The following RBFOX1 variants were observed in gnomAD, a reference collection of about 807,000 sequenced individuals.
RBFOX1 encodes RNA binding fox-1 homolog 1, also known as RNA binding protein fox-1 homolog 1.
Under a neutral mutation model 57.7 loss-of-function variants are expected in RBFOX1, and 8 were observed. The ratio of observed to expected loss-of-function variants is 0.14; its 90% confidence interval spans 0.08 to 0.25. RBFOX1 has a LOEUF of 0.25. Ranked by LOEUF, RBFOX1 falls within the 10% of genes least tolerant of loss-of-function variation. RBFOX1 has a pLI of 1.00. For missense variants in RBFOX1, 611 were observed against 548.5 expected (o/e 1.11, Z -1.14); for synonymous variants, 326 against 222.4 (o/e 1.47, Z -4.15).
At chr16:7,446,682 G>A (rs1383495401) in intron 4 of RBFOX1, among the ~76,000 whole-genome samples, 1 of 151,844 alleles carries the variant, frequency 6.6e-6, no homozygotes, top group Non-Finnish European at 1.5e-5. Flanking sequence ...TCCCTGTTGG[G>A]CAACCCCATA....
intron 1 of RBFOX1, among the ~76,000 whole-genome samples, chr16:6,131,227 A>ATG (rs1170167780): frequency 2.0e-5 from 3 of 152,216 alleles, no homozygotes; most frequent in African/African-American, 7.2e-5. Flanking sequence ...TGTTAGTTAT[A>ATG]TGTGTGTACA....
At chr16:7,269,699 A>G (rs2095269910) in intron 4 of RBFOX1, among the ~76,000 whole-genome samples, 1 of 152,234 alleles carries the variant, frequency 6.6e-6, no homozygotes, top group African/African-American at 2.4e-5. Flanking sequence ...TATTATTAAG[A>G]ATAATGTCAC....
At chr16:7,609,300 T>C (rs1424494793) in intron 10 of RBFOX1, among the ~76,000 whole-genome samples, 1 of 152,214 alleles carries the variant, frequency 6.6e-6, no homozygotes, top group Admixed American at 6.5e-5. Context: ...TACATTTTTC[T>C]GGTCCTGTGC....
chr16:5,703,702 A>G (rs2151487671), intron 3 of RBFOX1, among the ~76,000 whole-genome samples: 1 of 152,178 alleles, frequency 6.6e-6, no homozygotes, highest in African/African-American at 2.4e-5. Flanking sequence ...AATGGGGATA[A>G]TGTCTTTATT....
intron 4 of RBFOX1, among the ~76,000 whole-genome samples, chr16:5,948,589 A>C (rs555184457): frequency 6.6e-6 from 1 of 152,328 alleles, no homozygotes; most frequent in Admixed American, 6.5e-5. Context: ...GGAGACCTAC[A>C]GGGAAGGCCG....
chr16:7,470,553 G>T (rs1297164179), intron 4 of RBFOX1, among the ~76,000 whole-genome samples: 1 of 151,748 alleles, frequency 6.6e-6, no homozygotes, highest in Non-Finnish European at 1.5e-5. Context: ...GGATGGGTGA[G>T]TGGTAGGCAG....
intron 3 of RBFOX1, among the ~76,000 whole-genome samples, chr16:6,731,817 A>G (rs1310403390): frequency 6.6e-6 from 1 of 152,122 alleles, no homozygotes; most frequent in Non-Finnish European, 1.5e-5. Flanking sequence ...CCTACCTTCC[A>G]AAATGAACAA....
intron 2 of RBFOX1, among the ~76,000 whole-genome samples, chr16:5,539,842 G>A (rs1597449751): frequency 1.3e-5 from 2 of 152,222 alleles, no homozygotes; most frequent in Admixed American, 1.3e-4. Flanking sequence ...AGAGTGACAT[G>A]GAATCTTTAA....
intron 2 of RBFOX1, among the ~76,000 whole-genome samples, chr16:6,508,479 GA>G: frequency 6.6e-6 from 1 of 152,176 alleles, no homozygotes; most frequent in Middle Eastern, 3.4e-3. Flanking sequence ...AAACCAAAAA[GA>G]AAACATAATT....
At chr16:5,686,519 G>T (rs980069889) in intron 3 of RBFOX1, among the ~76,000 whole-genome samples, 1 of 152,062 alleles carries the variant, frequency 6.6e-6, no homozygotes, top group Non-Finnish European at 1.5e-5. Context: ...TGTCTATTCA[G>T]GTGGCCACTG....
intron 4 of RBFOX1, among the ~76,000 whole-genome samples, chr16:7,235,173 T>C (rs977333135): frequency 2.6e-5 from 4 of 152,250 alleles, no homozygotes; most frequent in African/African-American, 9.6e-5. Context: ...TGGCATCATA[T>C]ATTTTTAAAG....
chr16:7,341,576 G>T (rs1489144018), intron 4 of RBFOX1, among the ~76,000 whole-genome samples: 1 of 152,080 alleles, frequency 6.6e-6, no homozygotes, highest in East Asian at 1.9e-4. Flanking sequence ...CGTCTTCATT[G>T]CTGTCAGTGG....
chr16:6,004,401 T>C (rs1377024845), intron 4 of RBFOX1, among the ~76,000 whole-genome samples: 1 of 152,168 alleles, frequency 6.6e-6, no homozygotes, highest in African/African-American at 2.4e-5. Flanking sequence ...ATAGTTAATA[T>C]TTGTAAAGAT....
chr16:6,488,891 T>C (rs1266480064), intron 2 of RBFOX1, among the ~76,000 whole-genome samples: 6 of 152,194 alleles, frequency 3.9e-5, no homozygotes, highest in Non-Finnish European at 1.5e-5. Context: ...GATAGTCTAA[T>C]ATAAACATGG....
intron 3 of RBFOX1, among the ~76,000 whole-genome samples, chr16:6,893,204 A>C (rs763883450): frequency 1.6e-4 from 25 of 152,116 alleles, no homozygotes; most frequent in Non-Finnish European, 4.4e-5. Context: ...GGAAATGGAC[A>C]AGCTCACAGG....
At chr16:6,167,950 A>G (rs1012889563) in intron 1 of RBFOX1, among the ~76,000 whole-genome samples, 4 of 152,216 alleles carry the variant, frequency 2.6e-5, no homozygotes, top group African/African-American at 9.7e-5. Context: ...GGTCATTTAT[A>G]AACTCCACCC....
In RBFOX1 at chr16:6,996,956, A is replaced by G. The variant is rs544292535; in HGVS notation, c.-15-55101A>G. On this transcript the variant is annotated intron_variant, in intron 3 of 15. Coordinates refer to ENST00000550418, the MANE Select transcript of RBFOX1 (RefSeq NM_018723.4). ...CTAGAGAATTTTTAATAAATTATCA[A>G]GAAAGTTTATAGGCAGCATTGAAGA... 1.9e-3 allele frequency among the ~76,000 whole-genome samples: 288 copies of G among 152,296 alleles called. 1 individual carries two copies. Among genetic ancestry groups the G allele is most frequent in the Admixed American group, 3.2e-3 (49 of 15,296 alleles).
intron 4 of RBFOX1, among the ~76,000 whole-genome samples, chr16:7,320,813 G>C (rs760545124): frequency 1.3e-5 from 2 of 152,198 alleles, no homozygotes; most frequent in East Asian, 3.8e-4. Flanking sequence ...ATATTACTTA[G>C]AGCAACCGCA....
intron 2 of RBFOX1, among the ~76,000 whole-genome samples, chr16:5,467,566 A>C (rs888261925): frequency 6.6e-6 from 1 of 152,180 alleles, no homozygotes. Flanking sequence ...CCTATATTTC[A>C]TCATTGAACT....
Sources: allele counts gnomAD v4.1 joint callset (sites outside exome capture counted in the v4.1 genomes callset), GRCh38; gene constraint gnomAD v4.1.1; transcripts MANE v1.5; gene names NCBI Gene and HGNC (gene_info 2026-07-23, HGNC 2026-07-21).